The following SLC35F3 variants were observed in gnomAD, a reference collection of about 807,000 sequenced individuals.
The protein encoded by SLC35F3 is putative thiamine transporter SLC35F3.
Under a neutral mutation model 49.9 loss-of-function variants are expected in SLC35F3, and 25 were observed. That is an observed-to-expected ratio of 0.50 (90% CI 0.37 to 0.70). The LOEUF (loss-of-function observed/expected upper bound fraction) is 0.70. SLC35F3 is among the 30% of genes least tolerant of loss of function. The pLI, the probability that SLC35F3 is intolerant of heterozygous loss-of-function variation, is 0.00. For missense variants in SLC35F3, 525 were observed against 639.8 expected (o/e 0.82, Z 1.94); for synonymous variants, 275 against 265.4 (o/e 1.04, Z -0.35).
At chr1:234,108,702 T>TTATATATATAAAAGATATATATAAA (rs1558231741) in intron 2 of SLC35F3, among the ~76,000 whole-genome samples, 2 of 101,246 alleles carry the variant, frequency 2.0e-5, no homozygotes, top group Non-Finnish European at 3.6e-5. Context: ...AAAATATATA[T>TTATATATATAAAAGATATATATAAA]TATATATATA....
intron 2 of SLC35F3, among the ~76,000 whole-genome samples, chr1:234,100,045 T>C (rs926370755): frequency 2.0e-5 from 3 of 152,232 alleles, no homozygotes; most frequent in African/African-American, 7.2e-5. Context: ...ACTCAAGGTG[T>C]TCTGCATGAT....
At chr1:234,030,108 T>C (rs191462242) in intron 2 of SLC35F3, among the ~76,000 whole-genome samples, 3 of 152,318 alleles carry the variant, frequency 2.0e-5, no homozygotes, top group African/African-American at 4.8e-5. Flanking sequence ...TTCTGAAATA[T>C]GATTCACTCA....
At chr1:234,039,537 A>C (rs12134680) in intron 2 of SLC35F3, among the ~76,000 whole-genome samples, 19,973 of 152,170 alleles carry the variant, frequency 0.13, 1,621 homozygotes, top group Non-Finnish European at 0.18. Flanking sequence ...AAGTGCAGGG[A>C]GGGCACGGCT....
intron 3 of SLC35F3, among the ~76,000 whole-genome samples, chr1:234,287,941 C>T (rs963132153): frequency 6.6e-6 from 1 of 152,206 alleles, no homozygotes; most frequent in Non-Finnish European, 1.5e-5. Flanking sequence ...GGCTGGAGTG[C>T]AGTAGCACAA....
intron 2 of SLC35F3, among the ~76,000 whole-genome samples, chr1:234,219,298 G>A (rs558967281): frequency 1.6e-3 from 240 of 152,118 alleles, no homozygotes; most frequent in Non-Finnish European, 2.7e-3. Flanking sequence ...CAGGATGCTG[G>A]CCCAGTCCAA....
At chr1:234,169,450 C>T (rs1198324276) in intron 2 of SLC35F3, among the ~76,000 whole-genome samples, 1 of 152,190 alleles carries the variant, frequency 6.6e-6, no homozygotes, top group Admixed American at 6.5e-5. Context: ...CGGCTGTGGG[C>T]TCCCAGGCTC....
At chr1:233,987,243 C>T (rs967078700) in intron 2 of SLC35F3, among the ~76,000 whole-genome samples, 1 of 152,088 alleles carries the variant, frequency 6.6e-6, no homozygotes, top group Non-Finnish European at 1.5e-5. Flanking sequence ...GAGCCAAGAT[C>T]GCACCACTGC....
At chr1:234,121,285 C>T (rs1325020353) in intron 2 of SLC35F3, among the ~76,000 whole-genome samples, 9 of 151,606 alleles carry the variant, frequency 5.9e-5, no homozygotes, top group Non-Finnish European at 8.8e-5. Flanking sequence ...TACAGGCGCC[C>T]GCCACCACAC....
chr1:234,199,326 TAAA>T (rs200646773), intron 2 of SLC35F3, among the ~76,000 whole-genome samples: 4,566 of 152,172 alleles, frequency 0.03, 232 homozygotes, highest in African/African-American at 0.1. Context: ...AGCCCAGAAG[TAAA>T]CCCAAGTATT....
intron 2 of SLC35F3, among the ~76,000 whole-genome samples, chr1:234,143,873 T>C (rs1397420899): frequency 6.6e-6 from 1 of 152,180 alleles, no homozygotes. Flanking sequence ...TCCTTTAGGA[T>C]AAATACCCAG....
chr1:234,295,092 C>A lies in SLC35F3; in HGVS notation c.609-14009C>A, dbSNP rs12023304. 2.6e-5 allele frequency among the ~76,000 whole-genome samples: 4 copies of A among 152,094 alleles called. No homozygotes were observed. In the East Asian group the frequency reaches 7.7e-4, roughly 29 times the overall value. ...CGAGGAAGGTTGCCCATCTCAGTGC[C>A]TCGCTGTCCCAGCTGGGCCCTGTGA... On this transcript the variant is annotated intron_variant, in intron 3 of 7. Transcript: ENST00000366618.
intron 2 of SLC35F3, among the ~76,000 whole-genome samples, chr1:233,955,664 C>A (rs1662685036): frequency 6.6e-6 from 1 of 151,990 alleles, no homozygotes; most frequent in African/African-American, 2.4e-5. Context: ...AGGACACTTG[C>A]AACTGGTCTC....
At chr1:234,290,465 G>A (rs1297275945) in intron 3 of SLC35F3, among the ~76,000 whole-genome samples, 1 of 152,206 alleles carries the variant, frequency 6.6e-6, no homozygotes, top group Non-Finnish European at 1.5e-5. Context: ...CACATGCAGG[G>A]TAGACTCCAT....
intron 2 of SLC35F3, among the ~76,000 whole-genome samples, chr1:233,999,823 G>A (rs1194369523): frequency 6.6e-6 from 1 of 152,134 alleles, no homozygotes; most frequent in East Asian, 1.9e-4. Flanking sequence ...AAACAGGGAT[G>A]GCATCTTTAC....
intron 2 of SLC35F3, among the ~76,000 whole-genome samples, chr1:234,021,064 C>T (rs1238940123): frequency 1.3e-5 from 2 of 152,128 alleles, no homozygotes; most frequent in African/African-American, 2.4e-5. Flanking sequence ...GAAGTTGAGG[C>T]TCAGGAAGCC....
chr1:234,061,447 T>G, intron 2 of SLC35F3, among the ~76,000 whole-genome samples: 1 of 152,166 alleles, frequency 6.6e-6, no homozygotes, highest in Non-Finnish European at 1.5e-5. Context: ...TCTTTTTGGT[T>G]GTTCTACTTG....
chr1:234,012,082 A>T (rs766995021), intron 2 of SLC35F3, among the ~76,000 whole-genome samples: 9 of 152,176 alleles, frequency 5.9e-5, no homozygotes, highest in Non-Finnish European at 1.2e-4. Flanking sequence ...ATGTGAGCAA[A>T]AGAATCTGTG....
intron 2 of SLC35F3, among the ~76,000 whole-genome samples, chr1:234,108,069 T>G (rs1433761179): frequency 6.6e-6 from 1 of 151,074 alleles, no homozygotes; most frequent in Non-Finnish European, 1.5e-5. Flanking sequence ...ACTGCTTAAG[T>G]GCTAGCATTT....
intron 2 of SLC35F3, among the ~76,000 whole-genome samples, chr1:234,043,294 T>C (rs1346304931): frequency 6.6e-6 from 1 of 152,202 alleles, no homozygotes; most frequent in Non-Finnish European, 1.5e-5. Context: ...TTCAAGACCT[T>C]AACATTGTTT....
Sources: gnomAD v4.1 joint callset for allele counts (sites outside exome capture counted in the v4.1 genomes callset) on GRCh38, gnomAD v4.1.1 for gene constraint, MANE v1.5 for transcripts, NCBI Gene and HGNC (gene_info 2026-07-23, HGNC 2026-07-21) for gene names.